Variants in LRRIQ1 observed in about 807,000 individuals in gnomAD.
The protein encoded by LRRIQ1 is leucine-rich repeat- and IQ domain-containing protein 1.
LRRIQ1 carries 210 observed loss-of-function variants against 211.9 expected under a neutral mutation model. The observed-to-expected ratio is 0.99, with a 90% confidence interval of 0.89 to 1.11. The LOEUF is 1.11. Ranked by LOEUF, LRRIQ1 falls within the 50% of genes most tolerant of loss-of-function variation. The pLI, the probability that LRRIQ1 is intolerant of heterozygous loss-of-function variation, is 0.00. For synonymous variants in LRRIQ1, 699 were observed against 650.1 expected, an observed-to-expected ratio of 1.08 and a Z score of -1.14; for missense variants, 2,136 against 1,939.5, an observed-to-expected ratio of 1.10 and a Z score of -1.90.
chr12:85,156,773 C>T (rs956788391), intron 23 of LRRIQ1, among the ~76,000 whole-genome samples: 5 of 151,008 alleles, frequency 3.3e-5, no homozygotes, highest in African/African-American at 9.8e-5. Flanking sequence ...AGAGCAACAT[C>T]GTCTATAAAA....
At position 85,160,728 on chromosome 12, in the gene LRRIQ1, A is replaced by C. The variant is rs749299961; in HGVS notation, c.4822+14A>C. 1 of 1,416,530 alleles carries C rather than the reference A, an allele frequency of 7.1e-7. No individual in the cohort carries two copies. The highest frequency in any genetic ancestry group is 1.4e-5 in the African/African-American group (1 of 70,898). 87.7% of individuals were successfully genotyped at this position (1,416,530 alleles called of 1,614,324 possible). A position where few individuals can be genotyped will look rare whatever the true frequency, so the allele number is the denominator to read the frequency against. ...GTTACTTTGAAGGTATGGCTTAATA[A>C]CAGATACATAGAGAGGTAAAAAGAT... On this transcript the variant is annotated intron_variant, in intron 24 of 26. Coordinates refer to ENST00000393217, the MANE Select transcript of LRRIQ1 (RefSeq NM_001079910.2).
chr12:85,064,620 C>T (rs1284318219), intron 8 of LRRIQ1, among the ~76,000 whole-genome samples: 7 of 151,400 alleles, frequency 4.6e-5, no homozygotes, highest in Non-Finnish European at 7.4e-5. Context: ...GAGAGTTTCC[C>T]CAATTAAAAA....
intron 19 of LRRIQ1, among the ~76,000 whole-genome samples, chr12:85,151,278 A>G (rs932056111): frequency 6.6e-6 from 1 of 151,588 alleles, no homozygotes; most frequent in Non-Finnish European, 1.5e-5. Context: ...AAATTTCATT[A>G]AGTGAAATTC....
intron 23 of LRRIQ1, among the ~76,000 whole-genome samples, chr12:85,158,791 T>C (rs1267438531): frequency 6.6e-6 from 1 of 151,918 alleles, no homozygotes; most frequent in Non-Finnish European, 1.5e-5. Context: ...GACTTAAGTG[T>C]ACAAAACTGA....
chr12:85,204,238 T>C (rs1220649638), intron 24 of LRRIQ1, among the ~76,000 whole-genome samples: 1 of 152,162 alleles, frequency 6.6e-6, no homozygotes, highest in Non-Finnish European at 1.5e-5. Context: ...AACCTCTGCC[T>C]AGATTTCAGA....
intron 17 of LRRIQ1, among the ~76,000 whole-genome samples, chr12:85,126,437 A>G (rs2136460307): frequency 6.6e-6 from 1 of 152,262 alleles, no homozygotes; most frequent in Admixed American, 6.5e-5. Flanking sequence ...TATCACCCAA[A>G]GTGCCTATTA....
chr12:85,079,151 C>T (rs890040958), intron 11 of LRRIQ1, among the ~76,000 whole-genome samples: 2 of 151,562 alleles, frequency 1.3e-5, no homozygotes, highest in Admixed American at 1.3e-4. Flanking sequence ...GAAAGCAGTA[C>T]TGACTTTACA....
intron 26 of LRRIQ1, among the ~76,000 whole-genome samples, chr12:85,244,084 A>G (rs1895599912): frequency 6.6e-6 from 1 of 151,622 alleles, no homozygotes; most frequent in Non-Finnish European, 1.5e-5. Context: ...TCTTTATGTA[A>G]TGATATTCAA....
intron 23 of LRRIQ1, among the ~76,000 whole-genome samples, chr12:85,157,654 A>G (rs1355124852): frequency 6.6e-6 from 1 of 151,886 alleles, no homozygotes; most frequent in African/African-American, 2.4e-5. Context: ...TGCAGGGTCA[A>G]TAATCTCACA....
At chr12:85,049,816 G>T (rs555609009) in intron 6 of LRRIQ1, among the ~76,000 whole-genome samples, 1 of 152,160 alleles carries the variant, frequency 6.6e-6, no homozygotes, top group East Asian at 1.9e-4. Context: ...ATACTCACAG[G>T]TTTCTTTCAG....
intron 24 of LRRIQ1, among the ~76,000 whole-genome samples, chr12:85,221,092 G>A (rs1220764883): frequency 2.6e-5 from 4 of 151,986 alleles, no homozygotes; most frequent in Non-Finnish European, 4.4e-5. Flanking sequence ...AATTACAGAC[G>A]TGAGCCACCA....
At chr12:85,232,264 C>A (rs1423119999) in intron 25 of LRRIQ1, among the ~76,000 whole-genome samples, 1 of 151,878 alleles carries the variant, frequency 6.6e-6, no homozygotes, top group East Asian at 1.9e-4. Flanking sequence ...TAGTTTTAAA[C>A]AGAATTTTAT....
At chr12:85,083,733 C>T (rs1369585540) in intron 11 of LRRIQ1, among the ~76,000 whole-genome samples, 3 of 152,214 alleles carry the variant, frequency 2.0e-5, no homozygotes, top group South Asian at 2.1e-4. Flanking sequence ...CCACCGCACC[C>T]GGCCTGGTAA....
At chr12:85,152,500 TCCTCATCCC>T (rs1592891882) in intron 20 of LRRIQ1, 131 bp downstream of exon 20, 1 of 531,324 alleles carries the variant, frequency 1.9e-6, no homozygotes, top group East Asian at 3.2e-5. Flanking sequence ...TCTGACTTCC[TCCTCATCCC>T]CAGATGTAAT....
intron 1 of LRRIQ1, among the ~76,000 whole-genome samples, chr12:85,257,434 G>A (rs977187192): frequency 1.3e-5 from 2 of 150,412 alleles, no homozygotes; most frequent in African/African-American, 4.9e-5. Flanking sequence ...AAATAAACAG[G>A]ACTTATATGA....
intron 8 of LRRIQ1, among the ~76,000 whole-genome samples, chr12:85,057,822 T>C (rs1332914165): frequency 6.6e-6 from 1 of 151,874 alleles, no homozygotes; most frequent in Non-Finnish European, 1.5e-5. Context: ...AAAGAGAAAA[T>C]AATATTTTAA....
chr12:85,179,020 A>G lies in LRRIQ1; in HGVS notation c.4822+18306A>G, dbSNP rs563535420. Among the ~76,000 whole-genome samples, 3 of 152,044 alleles carry G rather than the reference A, an allele frequency of 2.0e-5. No individual in the cohort carries two copies. In the South Asian group the frequency reaches 6.2e-4, roughly 31 times the overall value. ...CACCTATTCCTATGGCACAATGGAA[A>G]GATCAAGATAGAATACCTAATTCTG... On this transcript the variant is annotated intron_variant, in intron 24 of 26. Transcript: ENST00000393217.
At chr12:85,180,159 A>G (rs562812179) in intron 24 of LRRIQ1, among the ~76,000 whole-genome samples, 2 of 151,986 alleles carry the variant, frequency 1.3e-5, no homozygotes, top group Middle Eastern at 6.8e-3. Context: ...CACCTCTGAG[A>G]TCTATTTAGC....
chr12:85,168,958 G>A (rs1218185728), intron 24 of LRRIQ1, among the ~76,000 whole-genome samples: 1 of 152,106 alleles, frequency 6.6e-6, no homozygotes, highest in Admixed American at 6.6e-5. Flanking sequence ...ATCATCAATA[G>A]GGTAAAACTA....
Sources: gnomAD v4.1 joint callset for allele counts (sites outside exome capture counted in the v4.1 genomes callset) on GRCh38, gnomAD v4.1.1 for gene constraint, MANE v1.5 for transcripts, NCBI Gene and HGNC (gene_info 2026-07-23, HGNC 2026-07-21) for gene names.